Variants in ADGRB3 observed in about 807,000 individuals in gnomAD.
ADGRB3 encodes the protein brain-specific angiogenesis inhibitor 3.
A neutral mutation model predicts 193.4 loss-of-function variants in ADGRB3; 37 were observed. The observed-to-expected ratio is 0.19, with a 90% CI of 0.15 to 0.25. ADGRB3 has a LOEUF of 0.25. ADGRB3 is among the 10% of genes least tolerant of loss of function. The pLI is 1.00. For missense variants in ADGRB3, 1,637 were observed against 1,852.9 expected (o/e 0.88, Z 2.14); for synonymous variants, 690 against 644.2 (o/e 1.07, Z -1.08).
chr6:69,223,676 G>A (rs1228287620), intron 17 of ADGRB3, among the ~76,000 whole-genome samples: 1 of 91,322 alleles, frequency 1.1e-5, no homozygotes, highest in Admixed American at 1.3e-4. Context: ...TTTTTTTTTG[G>A]CAGAGTCTCA....
chr6:69,133,345 T>C (rs186280059), intron 17 of ADGRB3, among the ~76,000 whole-genome samples: 1 of 152,226 alleles, frequency 6.6e-6, no homozygotes, highest in African/African-American at 2.4e-5. Flanking sequence ...TTCACATCCC[T>C]TGTAAGTTGT....
chr6:68,876,707 A>G (rs1034117290), intron 3 of ADGRB3, among the ~76,000 whole-genome samples: 3 of 152,196 alleles, frequency 2.0e-5, no homozygotes, highest in African/African-American at 7.2e-5. Flanking sequence ...CAACATTTCA[A>G]TTCATTAAGT....
At chr6:68,708,229 G>A (rs1301986925) in intron 3 of ADGRB3, among the ~76,000 whole-genome samples, 1 of 152,106 alleles carries the variant, frequency 6.6e-6, no homozygotes, top group Non-Finnish European at 1.5e-5. Flanking sequence ...AAATTATATT[G>A]TAGTGACATT....
chr6:68,731,522 T>C (rs1765775486), intron 3 of ADGRB3, among the ~76,000 whole-genome samples: 1 of 151,648 alleles, frequency 6.6e-6, no homozygotes, highest in Non-Finnish European at 1.5e-5. Context: ...ACATTTAGAA[T>C]ATAAATGTTT....
At chr6:68,955,869 G>A (rs1445181829) in intron 6 of ADGRB3, among the ~76,000 whole-genome samples, 155 bp from the exon 7 acceptor site, 1 of 152,104 alleles carries the variant, frequency 6.6e-6, no homozygotes, top group Non-Finnish European at 1.5e-5. Context: ...TATTTGGGGA[G>A]TTAATAAAAT....
intron 20 of ADGRB3, among the ~76,000 whole-genome samples, chr6:69,297,394 C>A (rs867571663): frequency 1.9e-4 from 26 of 134,270 alleles, no homozygotes; most frequent in South Asian, 4.6e-4. Flanking sequence ...CTCTCTCTAT[C>A]TCTCTCTCTC....
Position 68,969,709 on chromosome 6 carries a change from C to T in ADGRB3, c.1526-5054C>T, listed in dbSNP as rs184141513. ...TGACCCCTTTGTCTTCCTAAATTCT[C>T]ACATAGTTTTGTCTACCTCTTCAAT... On this transcript the variant is annotated intron_variant, in intron 8 of 31. Coordinates refer to ENST00000370598, the MANE Select transcript of ADGRB3 (RefSeq NM_001704.3). 1.8e-3 allele frequency among the ~76,000 whole-genome samples: 267 copies of T among 152,288 alleles called. 1 individual carries two copies. The highest frequency in any genetic ancestry group is 6.1e-3 in the African/African-American group (252 of 41,568).
At chr6:69,054,699 G>A (rs1771495524) in intron 15 of ADGRB3, among the ~76,000 whole-genome samples, 1 of 152,076 alleles carries the variant, frequency 6.6e-6, no homozygotes, top group East Asian at 1.9e-4. Context: ...TTTTAAAAGT[G>A]AATGTAAATC....
chr6:68,970,850 A>G lies in ADGRB3; in HGVS notation c.1526-3913A>G, dbSNP rs368526994. Among the ~76,000 whole-genome samples the G allele has an allele frequency of 1.2e-4, 18 of 152,326 alleles. No homozygotes were observed. The South Asian group carries it at 3.5e-3, about 30-fold the overall frequency. ...CTGGGTGAGTGGTGGAGGTAAAATC[A>G]TGGAAGGTTAAGAGTAAGATAAGGA... is the stretch of plus-strand genomic sequence containing the variant. On this transcript the variant is annotated intron_variant, in intron 8 of 31. Coordinates refer to ENST00000370598, the MANE Select transcript of ADGRB3 (RefSeq NM_001704.3).
At chr6:68,709,767 G>A (rs906487829) in intron 3 of ADGRB3, among the ~76,000 whole-genome samples, 23 of 152,020 alleles carry the variant, frequency 1.5e-4, no homozygotes, top group Admixed American at 7.9e-4. Context: ...GTCAAACTAC[G>A]TATGCAAAAG....
At chr6:68,683,618 G>A (rs4607402) in intron 3 of ADGRB3, among the ~76,000 whole-genome samples, 9,862 of 152,080 alleles carry the variant, frequency 0.065, 448 homozygotes, top group East Asian at 0.18. Context: ...TATTTGATGG[G>A]CCACTGGAAT....
At chr6:69,244,737 G>C (rs1348056428) in intron 20 of ADGRB3, among the ~76,000 whole-genome samples, 2 of 151,956 alleles carry the variant, frequency 1.3e-5, no homozygotes, top group Admixed American at 6.6e-5. Flanking sequence ...CTAGTTGTGT[G>C]ATCTTAAGCA....
At chr6:68,723,370 C>T (rs1414375621) in intron 3 of ADGRB3, among the ~76,000 whole-genome samples, 1 of 151,674 alleles carries the variant, frequency 6.6e-6, no homozygotes. Context: ...ATGTGGGAGA[C>T]AATTGACCTC....
At chr6:68,791,241 T>G (rs1035704388) in intron 3 of ADGRB3, among the ~76,000 whole-genome samples, 1 of 152,146 alleles carries the variant, frequency 6.6e-6, no homozygotes, top group South Asian at 2.1e-4. Flanking sequence ...GTAATATTCA[T>G]TTATGTCCTC....
At chr6:68,806,875 C>G (rs1315113375) in intron 3 of ADGRB3, among the ~76,000 whole-genome samples, 1 of 152,018 alleles carries the variant, frequency 6.6e-6, no homozygotes, top group East Asian at 1.9e-4. Context: ...GCAATGCTAC[C>G]ATAAGCATTC....
intron 20 of ADGRB3, among the ~76,000 whole-genome samples, chr6:69,275,171 C>T (rs1199513039): frequency 2.6e-5 from 4 of 152,112 alleles, no homozygotes; most frequent in Non-Finnish European, 5.9e-5. Flanking sequence ...GCATTGTGAT[C>T]TGACTAATAT....
chr6:69,007,314 C>G (rs1769788286), intron 11 of ADGRB3, among the ~76,000 whole-genome samples: 2 of 152,142 alleles, frequency 1.3e-5, no homozygotes, highest in Non-Finnish European at 1.5e-5. Flanking sequence ...TTATTTTCCA[C>G]TCAGTGGCCA....
At position 69,180,718 on chromosome 6, in the gene ADGRB3, A is replaced by G. The variant is rs145751092; in HGVS notation, c.2481-52572A>G. Among the ~76,000 whole-genome samples the G allele has an allele frequency of 1.3e-4, 20 of 152,290 alleles. No homozygotes were observed. In the East Asian group the frequency reaches 3.1e-3, roughly 24 times the overall value. ...CTTCTGCCTCAGGCCTGCAATGGGG[A>G]GAGCATAATTGTAACACCTACTGCT... is the stretch of plus-strand genomic sequence containing the variant. On this transcript the variant is annotated intron_variant, in intron 17 of 31. Transcript: ENST00000370598.
At chr6:68,964,968 C>T (rs1429597389) in intron 8 of ADGRB3, among the ~76,000 whole-genome samples, 2 of 152,102 alleles carry the variant, frequency 1.3e-5, no homozygotes, top group Non-Finnish European at 2.9e-5. Flanking sequence ...ATTTGATTGA[C>T]CATAGGTCCA....
Sources: gnomAD v4.1 joint callset for allele counts (sites outside exome capture counted in the v4.1 genomes callset) on GRCh38, gnomAD v4.1.1 for gene constraint, MANE v1.5 for transcripts, NCBI Gene and HGNC (gene_info 2026-07-23, HGNC 2026-07-21) for gene names.